FBXO24: variants seen among roughly 807,000 people sequenced by gnomAD.
The protein encoded by FBXO24 is F-box protein 24.
Under a neutral mutation model 63.5 loss-of-function variants are expected in FBXO24, and 30 were observed. That is an observed-to-expected ratio of 0.47 (90% CI 0.35 to 0.64). The LOEUF (loss-of-function observed/expected upper bound fraction) is 0.64. Ranked by LOEUF, FBXO24 falls within the 30% of genes least tolerant of loss-of-function variation. The pLI is 0.00. For synonymous variants in FBXO24, 300 were observed against 305.0 expected (o/e 0.98, Z 0.17); for missense variants, 624 against 763.4 (o/e 0.82, Z 2.15).
chr7:100,595,684 T>G lies in FBXO24; in HGVS notation c.1184T>G (p.Met395Arg), dbSNP rs753419793. Residue 395 changes from methionine to arginine, a missense_variant, in exon 8 of 10, where the codon ATG becomes AGG. By Grantham distance (91) the Met-to-Arg change is moderately conservative. Transcript: ENST00000241071. ...GGGCAGCTAGGAACAGGGGACAAAA[T>G]GGACCGAGGGGAACCCACACAGGTG... ...RYGQLGTGDKMDRGEPTQVCY... is the reference protein window; with the variant it reads ...RYGQLGTGDKRDRGEPTQVCY... 2.1e-5 allele frequency: 33 copies of G among 1,609,754 alleles called. No individual in the cohort carries two copies.
At chr7:100,597,787 C>G (rs1802381069) in intron 8 of FBXO24, among the ~76,000 whole-genome samples, 1 of 151,942 alleles carries the variant, frequency 6.6e-6, no homozygotes, top group Non-Finnish European at 1.5e-5. Context: ...CTGCAGCTTT[C>G]AACTCCAGGG....
At position 100,589,977 on chromosome 7, in the gene FBXO24, G is replaced by A. The variant is rs768927573; in HGVS notation, c.40G>A (p.Val14Met). 4.3e-6 allele frequency: 7 copies of A among 1,612,750 alleles called. No individual in the cohort carries two copies. The highest frequency in any genetic ancestry group is 2.2e-5 in the South Asian group (2 of 90,884). Reference sequence around the variant, plus strand: ...ACCCTATGCACCCCTTCTTGGGTAGGTGAAGAGAAGCTGCCCTTCTTGTGG... The same window carrying A: ...ACCCTATGCACCCCTTCTTGGGTAGATGAAGAGAAGCTGCCCTTCTTGTGG... ...KAVPLLRRRR[V>M]KRSCPSCGSE... Residue 14 changes from valine to methionine, a missense_variant and splice_region_variant, in exon 2 of 10, where the codon GTG becomes ATG. Around this residue, in one of 3 missense-constraint regions of FBXO24, gnomAD observed 391 missense variants for 469.1 expected, o/e 0.83. Transcript: ENST00000241071.
chr7:100,593,419 A>C (rs1802129674), intron 5 of FBXO24, among the ~76,000 whole-genome samples: 1 of 152,104 alleles, frequency 6.6e-6, no homozygotes, highest in Admixed American at 6.6e-5. Flanking sequence ...TCACGAGGTC[A>C]AGAGATCGAG....
Position 100,586,473 on chromosome 7 carries a change from A to AG in FBXO24, c.-150dup, listed in dbSNP as rs1801757358. ...ACTCCACTAGCAGGAAAACGGGCCGAGGGACCGCAAGCAGGGGGTGCCTAG... is the reference window on the plus strand; with the variant it reads ...ACTCCACTAGCAGGAAAACGGGCCGAGGGGACCGCAAGCAGGGGGTGCCTAG... On this transcript the variant is annotated 5_prime_UTR_variant, in exon 1 of 10. An upstream open reading frame in the 5' UTR loses its in-frame stop. Coordinates refer to ENST00000241071, the MANE Select transcript of FBXO24 (RefSeq NM_033506.3). The AG allele has an allele frequency of 1.3e-6, 1 of 786,600 alleles. No homozygotes were observed. The highest frequency in any genetic ancestry group is 2.1e-6 in the Non-Finnish European group (1 of 469,612). 48.7% of individuals were successfully genotyped at this position (786,600 alleles called of 1,614,324 possible). A position where few individuals can be genotyped will look rare whatever the true frequency, so the allele number is the denominator to read the frequency against.
chr7:100,586,856 C>T (rs1801783035), intron 1 of FBXO24, 192 bp downstream of exon 1: 12 of 263,602 alleles, frequency 4.6e-5, no homozygotes, highest in East Asian at 2.7e-4. Flanking sequence ...GAAGGGGCAG[C>T]GGGGGGACCT....
rs748562682 is a variant in FBXO24 at position 100,600,564 on chromosome 7, A to G, written c.1408A>G (p.Thr470Ala). Reference sequence around the variant, plus strand: ...TCTGTGTGCCTGTGCCCTCTGTGCCACCAGGGAGTGCCTATACATCCTGTC... The same window carrying G: ...TCTGTGTGCCTGTGCCCTCTGTGCCGCCAGGGAGTGCCTATACATCCTGTC... Reference protein sequence around the residue: ...VPLCACALCATRECLYILSSH... With the variant: ...VPLCACALCAARECLYILSSH... Residue 470 changes from threonine to alanine, a missense_variant, in exon 10 of 10, where the codon ACC becomes GCC. By Grantham distance (58) the Thr-to-Ala change is moderately conservative. This residue lies in a region of FBXO24 where 216 missense variants were observed against 245.2 expected (regional missense o/e 0.88). Transcript: ENST00000241071. The surrounding 1 kb of genome is among the most constrained non-coding windows in gnomAD (Gnocchi z 6.3). The G allele has an allele frequency of 1.9e-6, 3 of 1,584,380 alleles. No homozygotes were observed. Among genetic ancestry groups the G allele is most frequent in the Non-Finnish European group, 2.6e-6 (3 of 1,162,718 alleles).
chr7:100,591,031 ATTTTT>A (rs930978218), intron 3 of FBXO24, among the ~76,000 whole-genome samples: 2 of 86,672 alleles, frequency 2.3e-5, no homozygotes, highest in African/African-American at 9.4e-5. Context: ...TTTTTCTTTG[ATTTTT>A]TTTTTTTTTT....
Position 100,590,232 on chromosome 7 carries a change from G to A in FBXO24, c.197G>A (p.Cys66Tyr). 2 of 1,614,108 alleles carry A rather than the reference G, an allele frequency of 1.2e-6. No individual in the cohort carries two copies. Among genetic ancestry groups the A allele is most frequent in the Non-Finnish European group, 8.5e-7 (1 of 1,179,998 alleles). Residue 66 changes from cysteine to tyrosine, a missense_variant, in exon 3 of 10, where the codon TGC becomes TAC. By Grantham distance (194) the Cys-to-Tyr change is radical. Coordinates refer to ENST00000241071, the MANE Select transcript of FBXO24 (RefSeq NM_033506.3). Reference protein sequence around the residue: ...VRDLVALGQTCRYFHEVCDGE... With the variant: ...VRDLVALGQTYRYFHEVCDGE... ...GACCTTGTTGCCCTCGGCCAGACCT[G>A]CCGCTACTTCCACGAAGTGTGCGAT...
At chr7:100,596,339 T>C (rs927901018) in intron 8 of FBXO24, among the ~76,000 whole-genome samples, 1 of 152,138 alleles carries the variant, frequency 6.6e-6, no homozygotes, top group African/African-American at 2.4e-5. Context: ...TAGGTAGGGA[T>C]AGAGAAGGCA....
Position 100,591,805 on chromosome 7 carries a change from C to G in FBXO24, c.461C>G (p.Thr154Ser). ...DHVFILDYVGTLFFLKNALVS... is the reference protein window; with the variant it reads ...DHVFILDYVGSLFFLKNALVS... ...GTCTTCATTCTTGACTACGTGGGGACCCTCTTCTTCCTCAAAAATGCCCTG... is the reference window on the plus strand; with the variant it reads ...GTCTTCATTCTTGACTACGTGGGGAGCCTCTTCTTCCTCAAAAATGCCCTG... The change falls in exon 4 of 10, where the codon ACC becomes AGC. Residue 154 changes from threonine to serine, a missense_variant. Thr to Ser is a moderately conservative substitution (Grantham distance 58). This residue lies in a region of FBXO24 where 391 missense variants were observed against 469.1 expected (regional missense o/e 0.83). Transcript: ENST00000241071. The G allele has an allele frequency of 6.2e-7, 1 of 1,614,224 alleles. No homozygotes were observed. The highest frequency in any genetic ancestry group is 8.5e-7 in the Non-Finnish European group (1 of 1,180,038).
rs1235888258 is a variant in FBXO24 at position 100,600,300 on chromosome 7, G to T, written c.1377+99G>T. 7.1e-7 allele frequency: 1 copy of T among 1,416,638 alleles called. No individual in the cohort carries two copies. Among genetic ancestry groups the T allele is most frequent in the Non-Finnish European group, 9.4e-7 (1 of 1,068,904 alleles). 87.8% of individuals were successfully genotyped at this position (1,416,638 alleles called of 1,614,324 possible). A position where few individuals can be genotyped will look rare whatever the true frequency, so the allele number is the denominator to read the frequency against. ...CTGGGGCTCCTGCAGGGACCCAGGG[G>T]GTCCCATTTCCCTAGCACCACCCCA... is the stretch of plus-strand genomic sequence containing the variant. On this transcript the variant is annotated intron_variant, in intron 9 of 9. Transcript: ENST00000241071. This position sits in a 1 kb window ranked among gnomAD's most constrained non-coding sequence, Gnocchi z 6.3.
chr7:100,598,934 G>A (rs568150071), intron 8 of FBXO24, among the ~76,000 whole-genome samples: 54 of 151,588 alleles, frequency 3.6e-4, no homozygotes, highest in African/African-American at 1.1e-3. Context: ...AACTGAAATC[G>A]TGCCACTGCA....
rs1802561253 is a variant in FBXO24, at chr7:100,600,691, C to T, written c.1535C>T (p.Pro512Leu). 2 of 1,614,176 alleles carry T rather than the reference C, an allele frequency of 1.2e-6. No homozygotes were observed. The highest frequency in any genetic ancestry group is 1.3e-5 in the African/African-American group (1 of 75,054). The change falls in exon 10 of 10, where the codon CCC becomes CTC. Residue 512 changes from proline to leucine, a missense_variant. Transcript: ENST00000241071. The surrounding 1 kb of genome is among the most constrained non-coding windows in gnomAD (Gnocchi z 6.3). ...PSLGARAPQD[P>L]GGMAQACEEY... ...CTGGGGGCCAGAGCACCCCAGGACCCCGGGGGGATGGCCCAGGCCTGCGAG... is the reference window on the plus strand; with the variant it reads ...CTGGGGGCCAGAGCACCCCAGGACCTCGGGGGGATGGCCCAGGCCTGCGAG...
intron 1 of FBXO24, chr7:100,589,520 G>A: frequency 7.3e-7 from 1 of 1,361,740 alleles, no homozygotes; most frequent in Non-Finnish European, 9.5e-7. Context: ...AAGATTAAAG[G>A]GAACAGGTCA....
rs764062232 is a variant in FBXO24, at chr7:100,593,026, C to T, written c.793+9C>T. Reference sequence around the variant, plus strand: ...TCTACTGCTCCTCACAGGTGTGGCCCAAAGCAATGGCTTTTGCAAACTGTT... The same window carrying T: ...TCTACTGCTCCTCACAGGTGTGGCCTAAAGCAATGGCTTTTGCAAACTGTT... On this transcript the variant is annotated intron_variant, in intron 5 of 9. Transcript: ENST00000241071. 6 of 1,610,276 alleles carry T rather than the reference C, an allele frequency of 3.7e-6. No individual in the cohort carries two copies. Among genetic ancestry groups the T allele is most frequent in the Non-Finnish European group, 5.1e-6 (6 of 1,176,756 alleles).
chr7:100,595,157 T>C lies in FBXO24; in HGVS notation c.1008T>C (p.Phe336=). ...CCCCAGGGGTGTATCGCGATCTCTTTGGGACCCTTCAAGCCTTTGACCCCC... is the reference window on the plus strand; with the variant it reads ...CCCCAGGGGTGTATCGCGATCTCTTCGGGACCCTTCAAGCCTTTGACCCCC... ...VHTPGVYRDL[F]GTLQAFDPLD... is the part of the protein sequence containing the mutation. The change falls in exon 7 of 10, where the codon TTT becomes TTC. Residue 336 remains phenylalanine, a synonymous_variant. Coordinates refer to ENST00000241071, the MANE Select transcript of FBXO24 (RefSeq NM_033506.3). 1 of 1,614,082 alleles carries C rather than the reference T, an allele frequency of 6.2e-7. No homozygotes were observed. The highest frequency in any genetic ancestry group is 1.1e-5 in the South Asian group (1 of 91,076).
In FBXO24 at chr7:100,600,063, G is replaced by A. The variant is rs1366663139; in HGVS notation, c.1239G>A (p.Trp413Ter). The change falls in exon 9 of 10, where the codon TGG becomes TGA. Residue 413 changes from tryptophan to a stop codon, truncating the protein, a stop_gained. Coordinates refer to ENST00000241071, the MANE Select transcript of FBXO24 (RefSeq NM_033506.3). LOFTEE classifies it high-confidence loss of function. The surrounding 1 kb of genome is among the most constrained non-coding windows in gnomAD (Gnocchi z 6.3). ...ACCTGCAGCGGCCCATCACCCTGTG[G>A]TGCGGCCTCAACCACTCCCTGGTGC... ...VCYLQRPITL[W>*]CGLNHSLVLS... 2.5e-6 allele frequency: 4 copies of A among 1,610,928 alleles called. No homozygotes were observed. Among genetic ancestry groups the A allele is most frequent in the African/African-American group, 1.3e-5 (1 of 74,840 alleles).
chr7:100,591,145 T>C (rs1415653933), intron 3 of FBXO24, among the ~76,000 whole-genome samples: 1 of 149,586 alleles, frequency 6.7e-6, no homozygotes, highest in Non-Finnish European at 1.5e-5. Flanking sequence ...TCAAGTATTC[T>C]CGTGCCTCAG....
rs1801940759 is a variant in FBXO24 at position 100,590,170 on chromosome 7, C to G, written c.139-4C>G. ...CTCCCCGCTTCTTCCCTCCTCCCTCCCAGGTGGAGCATATCATCTCATTCC... is the reference window on the plus strand; with the variant it reads ...CTCCCCGCTTCTTCCCTCCTCCCTCGCAGGTGGAGCATATCATCTCATTCC... On this transcript the variant is annotated splice_region_variant and splice_polypyrimidine_tract_variant and intron_variant, in intron 2 of 9. Coordinates refer to ENST00000241071, the MANE Select transcript of FBXO24 (RefSeq NM_033506.3). 1 of 1,612,886 alleles carries G rather than the reference C, an allele frequency of 6.2e-7. No homozygotes were observed. Among genetic ancestry groups the G allele is most frequent in the African/African-American group, 1.3e-5 (1 of 74,884 alleles).
Sources: allele counts gnomAD v4.1 joint callset (sites outside exome capture counted in the v4.1 genomes callset), GRCh38; gene constraint gnomAD v4.1.1; regional missense constraint gnomAD v4.1.1; non-coding constraint Gnocchi (gnomAD v3.1); transcripts MANE v1.5; gene names NCBI Gene and HGNC (gene_info 2026-07-23, HGNC 2026-07-21).